FBXO15: variants seen among roughly 807,000 people sequenced by gnomAD.
FBXO15 encodes the protein F-box only protein 15.
Under a neutral mutation model 49.5 loss-of-function variants are expected in FBXO15, and 30 were observed. The observed-to-expected ratio is 0.61, with a 90% CI of 0.45 to 0.82. The LOEUF (loss-of-function observed/expected upper bound fraction) is 0.82, where lower values mean the gene tolerates loss of function less well. Ranked by LOEUF, FBXO15 falls within the 40% of genes least tolerant of loss-of-function variation. FBXO15 has a pLI of 0.00. For missense variants in FBXO15, 591 were observed against 631.5 expected (o/e 0.94, Z 0.69); for synonymous variants, 250 against 232.7 (o/e 1.07, Z -0.68).
At chr18:74,118,327 A>G (rs1289811247) in intron 8 of FBXO15, among the ~76,000 whole-genome samples, 3 of 149,726 alleles carry the variant, frequency 2.0e-5, no homozygotes, top group African/African-American at 4.9e-5. Context: ...GTGGTGGCTC[A>G]TGCTTGTAAT....
chr18:74,114,203 G>A (rs929270842), intron 8 of FBXO15, among the ~76,000 whole-genome samples: 29 of 152,120 alleles, frequency 1.9e-4, no homozygotes, highest in African/African-American at 4.1e-4. Context: ...GTAAAAACCC[G>A]GGGTGCTGAG....
At chr18:74,118,652 A>T (rs1296165265) in intron 8 of FBXO15, among the ~76,000 whole-genome samples, 2 of 152,152 alleles carry the variant, frequency 1.3e-5, no homozygotes, top group African/African-American at 4.8e-5. Flanking sequence ...GTGTCTTGGA[A>T]GCAATTTTTA....
intron 9 of FBXO15, among the ~76,000 whole-genome samples, chr18:74,079,141 C>CA (rs1381017278): frequency 2.0e-5 from 3 of 152,112 alleles, no homozygotes; most frequent in Non-Finnish European, 4.4e-5. Flanking sequence ...AAAATAACAT[C>CA]AAAAATGCCA....
At chr18:74,073,776 C>T (rs745521687) in intron 9 of FBXO15, 46 bp from the exon 10 acceptor site, 9 of 1,553,856 alleles carry the variant, frequency 5.8e-6, no homozygotes, top group Non-Finnish European at 7.8e-6. Flanking sequence ...GCCAATCAGA[C>T]CTGATTTTCA....
At chr18:74,093,211 T>C (rs9946681) in intron 8 of FBXO15, among the ~76,000 whole-genome samples, 33,575 of 131,814 alleles carry the variant, frequency 0.25, 5,008 homozygotes, top group African/African-American at 0.44. Flanking sequence ...ACCCACATGC[T>C]GGAAAGAAAG....
At chr18:74,142,241 A>G (rs1363668146) in intron 1 of FBXO15, among the ~76,000 whole-genome samples, 1 of 152,180 alleles carries the variant, frequency 6.6e-6, no homozygotes, top group Admixed American at 6.5e-5. Context: ...ACATTTTTGC[A>G]ATACCCTCTC....
At chr18:74,103,333 G>T (rs964205798) in intron 8 of FBXO15, among the ~76,000 whole-genome samples, 1 of 150,932 alleles carries the variant, frequency 6.6e-6, no homozygotes, top group African/African-American at 2.4e-5. Flanking sequence ...GAGGAAAAAA[G>T]AAAAAAGAAT....
At chr18:74,103,177 T>C (rs1443326944) in intron 8 of FBXO15, among the ~76,000 whole-genome samples, 1 of 151,906 alleles carries the variant, frequency 6.6e-6, no homozygotes, top group Non-Finnish European at 1.5e-5. Context: ...ATTGAAATAA[T>C]TATAAAAAGT....
At chr18:74,109,879 G>A (rs1449890322) in intron 8 of FBXO15, among the ~76,000 whole-genome samples, 4 of 151,968 alleles carry the variant, frequency 2.6e-5, no homozygotes, top group Non-Finnish European at 1.5e-5. Context: ...ACCTAATGTA[G>A]ATGACGAGTT....
intron 3 of FBXO15, among the ~76,000 whole-genome samples, chr18:74,132,269 G>A (rs945548364): frequency 6.6e-6 from 1 of 152,212 alleles, no homozygotes; most frequent in Non-Finnish European, 1.5e-5. Flanking sequence ...AAGCTTGCTT[G>A]TGTTTTCTTC....
At chr18:74,112,591 G>A (rs999612320) in intron 8 of FBXO15, among the ~76,000 whole-genome samples, 1 of 152,138 alleles carries the variant, frequency 6.6e-6, no homozygotes. Flanking sequence ...TTCTCATTAA[G>A]ATCAGCAACA....
At chr18:74,145,853 C>T (rs913701978) in intron 1 of FBXO15, among the ~76,000 whole-genome samples, 4 of 152,170 alleles carry the variant, frequency 2.6e-5, no homozygotes, top group Non-Finnish European at 5.9e-5. Context: ...CCGCCTCCGC[C>T]TCCCAAAGTG....
At chr18:74,107,874 C>T (rs1470454249) in intron 8 of FBXO15, among the ~76,000 whole-genome samples, 1 of 152,110 alleles carries the variant, frequency 6.6e-6, no homozygotes, top group South Asian at 2.1e-4. Flanking sequence ...GAATAACCTA[C>T]TAGGGGAATT....
intron 7 of FBXO15, among the ~76,000 whole-genome samples, 170 bp downstream of exon 7, chr18:74,124,319 G>A (rs755375065): frequency 9.2e-5 from 14 of 152,300 alleles, no homozygotes; most frequent in South Asian, 4.1e-4. Context: ...ATATGTACTC[G>A]TGAATAATCC....
chr18:74,131,086 T>C (rs1978364440), intron 3 of FBXO15, among the ~76,000 whole-genome samples: 1 of 152,178 alleles, frequency 6.6e-6, no homozygotes, highest in African/African-American at 2.4e-5. Context: ...GAAATTTCAA[T>C]AGGGAACAAT....
chr18:74,144,847 TCCA>T (rs1251457580), intron 1 of FBXO15, among the ~76,000 whole-genome samples: 3 of 152,216 alleles, frequency 2.0e-5, no homozygotes, highest in African/African-American at 7.2e-5. Flanking sequence ...ACTGGCTTAA[TCCA>T]CCACCAAGTT....
At chr18:74,093,784 G>A (rs1296640597) in intron 8 of FBXO15, among the ~76,000 whole-genome samples, 8 of 152,138 alleles carry the variant, frequency 5.3e-5, no homozygotes, top group Admixed American at 5.2e-4. Context: ...TGTTAATGTT[G>A]ATATTTTGAC....
At chr18:74,133,771 G>A (rs759979542) in intron 3 of FBXO15, among the ~76,000 whole-genome samples, 9 of 152,134 alleles carry the variant, frequency 5.9e-5, no homozygotes, top group Non-Finnish European at 1.3e-4. Flanking sequence ...GAGATCACAC[G>A]GCAGAGAGAG....
intron 8 of FBXO15, among the ~76,000 whole-genome samples, chr18:74,093,775 G>A (rs1346040878): frequency 1.3e-5 from 2 of 152,176 alleles, no homozygotes; most frequent in South Asian, 2.1e-4. Flanking sequence ...CCAAACTCCT[G>A]TTAATGTTGA....
Sources: gnomAD v4.1 joint callset for allele counts (sites outside exome capture counted in the v4.1 genomes callset) on GRCh38, gnomAD v4.1.1 for gene constraint, MANE v1.5 for transcripts, NCBI Gene and HGNC (gene_info 2026-07-23, HGNC 2026-07-21) for gene names.